Variants in ANKRD44 observed in about 807,000 individuals in gnomAD.
ANKRD44 encodes the protein serine/threonine-protein phosphatase 6 regulatory ankyrin repeat subunit B.
A neutral mutation model predicts 116.0 loss-of-function variants in ANKRD44; 35 were observed. The observed-to-expected ratio is 0.30, with a 90% CI of 0.23 to 0.40. The LOEUF (loss-of-function observed/expected upper bound fraction) is 0.40. Among genes scored for constraint, ANKRD44 ranks in the 10% least tolerant of loss-of-function variants. The pLI, the probability that ANKRD44 is intolerant of heterozygous loss-of-function variation, is 1.00. For missense variants in ANKRD44, 1,014 were observed against 1,242.6 expected (o/e 0.82, Z 2.77); for synonymous variants, 435 against 461.8 (o/e 0.94, Z 0.74).
intron 2 of ANKRD44, among the ~76,000 whole-genome samples, chr2:197,178,008 T>C (rs1053544317): frequency 2.6e-5 from 4 of 152,218 alleles, no homozygotes; most frequent in African/African-American, 9.6e-5. Flanking sequence ...AACATCTTTT[T>C]GTATATATAG....
intron 1 of ANKRD44, among the ~76,000 whole-genome samples, chr2:197,270,017 A>G (rs2082853499): frequency 6.6e-6 from 1 of 152,190 alleles, no homozygotes; most frequent in Non-Finnish European, 1.5e-5. Context: ...ACACTGCAGG[A>G]CATTTGCTGT....
chr2:197,055,442 T>A (rs187462081), intron 16 of ANKRD44, among the ~76,000 whole-genome samples: 95 of 152,306 alleles, frequency 6.2e-4, no homozygotes, highest in Middle Eastern at 3.4e-3. Flanking sequence ...ACAAAGCTTT[T>A]AACGTTAATA....
intron 4 of ANKRD44, among the ~76,000 whole-genome samples, chr2:197,129,292 T>C (rs2079046206): frequency 6.6e-6 from 1 of 151,954 alleles, no homozygotes; most frequent in African/African-American, 2.4e-5. Flanking sequence ...CGCCACCACG[T>C]CCAGCTAATT....
At chr2:197,059,428 G>C (rs2077266451) in intron 16 of ANKRD44, among the ~76,000 whole-genome samples, 1 of 152,014 alleles carries the variant, frequency 6.6e-6, no homozygotes, top group East Asian at 1.9e-4. Context: ...AGTGATTCTA[G>C]CCCAGTCAAT....
chr2:197,051,391 T>A (rs2077104354), intron 16 of ANKRD44, among the ~76,000 whole-genome samples: 1 of 152,114 alleles, frequency 6.6e-6, no homozygotes, highest in South Asian at 2.1e-4. Flanking sequence ...TACATCTTCA[T>A]TTACTCATTC....
intron 1 of ANKRD44, among the ~76,000 whole-genome samples, chr2:197,283,971 C>G (rs1416732206): frequency 6.6e-6 from 1 of 152,138 alleles, no homozygotes; most frequent in Non-Finnish European, 1.5e-5. Flanking sequence ...GTACCAGATA[C>G]AGAGAGATTG....
intron 1 of ANKRD44, among the ~76,000 whole-genome samples, chr2:197,241,814 G>T (rs1217515061): frequency 1.3e-5 from 2 of 152,056 alleles, no homozygotes; most frequent in Non-Finnish European, 2.9e-5. Context: ...ACTACATAGT[G>T]CTGGTGGCCT....
intron 1 of ANKRD44, among the ~76,000 whole-genome samples, chr2:197,307,182 C>CA (rs1184095844): frequency 1.4e-4 from 22 of 152,270 alleles, no homozygotes; most frequent in African/African-American, 5.1e-4. Flanking sequence ...CTGTATTTAA[C>CA]AAAATTTTCT....
At chr2:197,001,223 G>A (rs1032872608) in intron 22 of ANKRD44, among the ~76,000 whole-genome samples, 5 of 152,316 alleles carry the variant, frequency 3.3e-5, no homozygotes, top group African/African-American at 1.2e-4. Context: ...TGGAAGCCCA[G>A]TTGAAAACAG....
chr2:197,131,343 T>C (rs886286373), intron 4 of ANKRD44, among the ~76,000 whole-genome samples: 2 of 151,636 alleles, frequency 1.3e-5, no homozygotes, highest in East Asian at 1.9e-4. Flanking sequence ...AGGCGCCCGC[T>C]ACCACGCCCG....
At chr2:197,192,351 G>A (rs922792863) in intron 1 of ANKRD44, among the ~76,000 whole-genome samples, 21 of 152,044 alleles carry the variant, frequency 1.4e-4, no homozygotes, top group Admixed American at 2.6e-4. Flanking sequence ...TGATTAGATC[G>A]GGAAAATAAA....
At chr2:196,996,147 C>G (rs2076007932) in intron 25 of ANKRD44, among the ~76,000 whole-genome samples, 1 of 152,186 alleles carries the variant, frequency 6.6e-6, no homozygotes, top group Non-Finnish European at 1.5e-5. Context: ...GCAGACCAGT[C>G]ACATTAGTAT....
At chr2:197,234,558 A>G (rs979310539) in intron 1 of ANKRD44, among the ~76,000 whole-genome samples, 1 of 152,116 alleles carries the variant, frequency 6.6e-6, no homozygotes, top group Non-Finnish European at 1.5e-5. Context: ...ATTGTTCTAC[A>G]ATTTGTTTTT....
Position 197,227,503 on chromosome 2 carries a change from C to T in ANKRD44, c.28-40397G>A, listed in dbSNP as rs576703327. On this transcript the variant is annotated intron_variant, in intron 1 of 27. Transcript: ENST00000282272. The stretch of plus-strand genomic sequence containing the variant: ...AACACGACTGAAGGTGTGAAAACTC[C>T]TCAAGGGCCATCTCCTTTGCATATT... Among the ~76,000 whole-genome samples the T allele has an allele frequency of 2.0e-5, 3 of 152,252 alleles. No homozygotes were observed. In the South Asian group the frequency reaches 6.2e-4, roughly 32 times the overall value.
chr2:197,068,707 C>A (rs1023314861), intron 16 of ANKRD44, among the ~76,000 whole-genome samples: 5 of 152,188 alleles, frequency 3.3e-5, no homozygotes, highest in African/African-American at 1.2e-4. Flanking sequence ...AAATGCTCAT[C>A]ATCACTGGCC....
At chr2:197,104,755 T>C (rs948187943) in intron 9 of ANKRD44, among the ~76,000 whole-genome samples, 17 of 152,364 alleles carry the variant, frequency 1.1e-4, no homozygotes, top group African/African-American at 4.1e-4. Flanking sequence ...TAGCCAAGTG[T>C]ACTGGCAAAA....
chr2:197,216,491 C>T (rs936999888), intron 1 of ANKRD44, among the ~76,000 whole-genome samples: 9 of 152,178 alleles, frequency 5.9e-5, no homozygotes, highest in Non-Finnish European at 1.0e-4. Flanking sequence ...TCCTTGTGAT[C>T]CAGATGAAAC....
At chr2:197,146,434 T>C (rs1160807844) in intron 3 of ANKRD44, among the ~76,000 whole-genome samples, 1 of 152,124 alleles carries the variant, frequency 6.6e-6, no homozygotes, top group African/African-American at 2.4e-5. Flanking sequence ...TATATATAAA[T>C]ATACAAACAC....
At chr2:197,098,202 T>G (rs895373842) in intron 10 of ANKRD44, among the ~76,000 whole-genome samples, 5 of 152,220 alleles carry the variant, frequency 3.3e-5, no homozygotes, top group Non-Finnish European at 7.3e-5. Context: ...CAATACTCAG[T>G]AATTTGTGCT....
Sources: gnomAD v4.1 joint callset for allele counts (sites outside exome capture counted in the v4.1 genomes callset) on GRCh38, gnomAD v4.1.1 for gene constraint, MANE v1.5 for transcripts, NCBI Gene and HGNC (gene_info 2026-07-23, HGNC 2026-07-21) for gene names.